Variants in DCC observed in about 807,000 individuals in gnomAD.
The protein encoded by DCC is DCC netrin 1 receptor.
In DCC, 58 loss-of-function variants were observed where a neutral mutation model predicts 172.5. That is an observed-to-expected ratio of 0.34 (90% CI 0.27 to 0.42). The LOEUF is 0.42. DCC is among the 10% of genes least tolerant of loss of function. The pLI is 1.00. For missense variants in DCC, 1,740 were observed against 1,791.0 expected (o/e 0.97, Z 0.51); for synonymous variants, 709 against 644.5 (o/e 1.10, Z -1.52).
At chr18:52,776,655 G>A (rs77161102) in intron 2 of DCC, among the ~76,000 whole-genome samples, 8,040 of 152,138 alleles carry the variant, frequency 0.053, 286 homozygotes, top group South Asian at 0.16. Flanking sequence ...GCTTATAGTG[G>A]ATCTACTATA....
intron 1 of DCC, among the ~76,000 whole-genome samples, chr18:52,613,912 C>G (rs1446237702): frequency 2.0e-5 from 3 of 152,134 alleles, no homozygotes; most frequent in Admixed American, 6.5e-5. Context: ...CACATGGAAA[C>G]ACTAGAAAAG....
chr18:53,489,178 A>AT (rs1210870743), intron 26 of DCC, among the ~76,000 whole-genome samples: 2 of 152,170 alleles, frequency 1.3e-5, no homozygotes, highest in Non-Finnish European at 2.9e-5. Flanking sequence ...ATGCTTAGTG[A>AT]TTTTTTAACT....
intron 1 of DCC, among the ~76,000 whole-genome samples, chr18:52,383,628 G>T (rs952012492): frequency 5.3e-5 from 8 of 151,846 alleles, no homozygotes; most frequent in Admixed American, 2.0e-4. Flanking sequence ...AAATTTTGGA[G>T]TTTTAATTTT....
chr18:52,955,892 C>T (rs2040734651), intron 5 of DCC, among the ~76,000 whole-genome samples: 2 of 151,752 alleles, frequency 1.3e-5, no homozygotes, highest in African/African-American at 2.4e-5. Context: ...ATGTCTGTTG[C>T]CCATTTTAAA....
chr18:52,340,547 C>A lies in DCC; in HGVS notation c.-241C>A. Reference sequence around the variant, plus strand: ...TACCGGGGCTCGGGATCTCTTGGACCGAATGGAACTTTTTGCTGCCTGCTT... The same window carrying A: ...TACCGGGGCTCGGGATCTCTTGGACAGAATGGAACTTTTTGCTGCCTGCTT... On this transcript the variant is annotated 5_prime_UTR_variant, in exon 1 of 29. Coordinates refer to ENST00000442544, the MANE Select transcript of DCC (RefSeq NM_005215.4). The A allele has an allele frequency of 1.7e-6, 1 of 597,574 alleles. No homozygotes were observed. The highest frequency in any genetic ancestry group is 3.0e-6 in the Non-Finnish European group (1 of 333,726). The allele number at this position is 597,574 out of a possible 1,614,324, so 37.0% of individuals were successfully genotyped here.
At chr18:52,970,790 C>T (rs1373115025) in intron 5 of DCC, among the ~76,000 whole-genome samples, 1 of 152,080 alleles carries the variant, frequency 6.6e-6, no homozygotes, top group Non-Finnish European at 1.5e-5. Context: ...CATTTGAAGC[C>T]TCTGTAGAAT....
intron 1 of DCC, among the ~76,000 whole-genome samples, chr18:52,636,069 C>T (rs2018291): frequency 0.3 from 46,222 of 151,980 alleles, 7,287 homozygotes; most frequent in Admixed American, 0.37. Context: ...CCTGAACACA[C>T]CCCCCTAACT....
intron 20 of DCC, among the ~76,000 whole-genome samples, chr18:53,413,252 C>T (rs919251678): frequency 1.3e-5 from 2 of 152,174 alleles, no homozygotes; most frequent in African/African-American, 4.8e-5. Context: ...AGTAAATTCT[C>T]TGGGCATCCT....
At chr18:52,651,240 G>T (rs1176245053) in intron 1 of DCC, among the ~76,000 whole-genome samples, 1 of 152,192 alleles carries the variant, frequency 6.6e-6, no homozygotes, top group Non-Finnish European at 1.5e-5. Flanking sequence ...ATGGCTCACT[G>T]CAGCCTTGAG....
At chr18:53,409,744 A>G (rs1909874370) in intron 19 of DCC, among the ~76,000 whole-genome samples, 1 of 152,300 alleles carries the variant, frequency 6.6e-6, no homozygotes, top group Admixed American at 6.5e-5. Flanking sequence ...CTATATAAAC[A>G]TAGGTTATTA....
intron 1 of DCC, among the ~76,000 whole-genome samples, chr18:52,567,925 A>C (rs915670092): frequency 1.3e-5 from 2 of 152,176 alleles, no homozygotes; most frequent in Non-Finnish European, 2.9e-5. Flanking sequence ...AAAATGTCAC[A>C]GAACTTAATA....
intron 1 of DCC, among the ~76,000 whole-genome samples, chr18:52,591,922 T>C (rs1258840453): frequency 6.6e-6 from 1 of 151,866 alleles, no homozygotes; most frequent in Non-Finnish European, 1.5e-5. Flanking sequence ...AGGTCCAGGA[T>C]TACCGGTGTA....
At chr18:53,015,397 G>A (rs1294516478) in intron 5 of DCC, among the ~76,000 whole-genome samples, 1 of 152,098 alleles carries the variant, frequency 6.6e-6, no homozygotes, top group Non-Finnish European at 1.5e-5. Flanking sequence ...AAATACAAAT[G>A]CAATTTTAGA....
chr18:53,219,487 G>T (rs1361203193), intron 12 of DCC, among the ~76,000 whole-genome samples: 1 of 152,006 alleles, frequency 6.6e-6, no homozygotes, highest in Non-Finnish European at 1.5e-5. Flanking sequence ...ATATTATGAG[G>T]CATAGATCAT....
intron 5 of DCC, among the ~76,000 whole-genome samples, chr18:52,948,964 C>T (rs1362822508): frequency 6.6e-6 from 1 of 152,184 alleles, no homozygotes; most frequent in African/African-American, 2.4e-5. Flanking sequence ...ATGCTTGTAA[C>T]CCTTATGCAA....
chr18:53,001,791 T>A (rs1243175512), intron 5 of DCC, among the ~76,000 whole-genome samples: 1 of 152,090 alleles, frequency 6.6e-6, no homozygotes, highest in Non-Finnish European at 1.5e-5. Flanking sequence ...TTTCTAGGAT[T>A]GGCCATGTGA....
chr18:53,182,348 A>T (rs1286176897), intron 9 of DCC, among the ~76,000 whole-genome samples: 1 of 152,200 alleles, frequency 6.6e-6, no homozygotes, highest in Non-Finnish European at 1.5e-5. Context: ...TCTTACCAGT[A>T]TATGGAATAA....
At chr18:52,418,531 A>T (rs942287650) in intron 1 of DCC, among the ~76,000 whole-genome samples, 1 of 152,200 alleles carries the variant, frequency 6.6e-6, no homozygotes, top group Non-Finnish European at 1.5e-5. Context: ...AGGCATTTCC[A>T]AATGGCTCAA....
rs925013525 is a variant in DCC at position 52,832,229 on chromosome 18, G to T, written c.413-73815G>T. Among the ~76,000 whole-genome samples the T allele has an allele frequency of 4.6e-5, 7 of 152,216 alleles. No homozygotes were observed. The East Asian group carries it at 7.7e-4, about 17-fold the overall frequency. On this transcript the variant is annotated intron_variant, in intron 2 of 28. Transcript: ENST00000442544. ...CTATGCTGCAGCAGATGTGGAGGTTGGATGTGGGTTTCATAGGGGAAAGAG... is the reference window on the plus strand; with the variant it reads ...CTATGCTGCAGCAGATGTGGAGGTTTGATGTGGGTTTCATAGGGGAAAGAG...
Sources: allele counts gnomAD v4.1 joint callset (sites outside exome capture counted in the v4.1 genomes callset), GRCh38; gene constraint gnomAD v4.1.1; transcripts MANE v1.5; gene names NCBI Gene and HGNC (gene_info 2026-07-23, HGNC 2026-07-21).